The following BCAS1 variants were observed in gnomAD, a reference collection of about 807,000 sequenced individuals.
The protein encoded by BCAS1 is brain enriched myelin associated protein 1.
A neutral mutation model predicts 65.4 loss-of-function variants in BCAS1; 46 were observed. The ratio of observed to expected loss-of-function variants is 0.70; its 90% CI spans 0.55 to 0.90. The LOEUF is 0.90. BCAS1 is among the 40% of genes least tolerant of loss of function. BCAS1 has a pLI of 0.00. For missense variants in BCAS1, 793 were observed against 771.2 expected, an observed-to-expected ratio of 1.03 and a Z score of -0.33; for synonymous variants, 298 against 293.5, an observed-to-expected ratio of 1.02 and a Z score of -0.16.
intron 6 of BCAS1, 52 bp downstream of exon 6, chr20:53,994,960 C>T (rs2090866003): frequency 1.3e-6 from 2 of 1,518,746 alleles, no homozygotes; most frequent in Admixed American, 1.7e-5. Context: ...AAATCCAAAT[C>T]CAATTCTATG....
chr20:53,979,587 A>T (rs1434330019), intron 8 of BCAS1, among the ~76,000 whole-genome samples: 1 of 152,138 alleles, frequency 6.6e-6, no homozygotes, highest in African/African-American at 2.4e-5. Flanking sequence ...AGCAGTGATG[A>T]GTGGGATAAA....
chr20:53,960,619 C>T (rs2089850150), intron 10 of BCAS1, among the ~76,000 whole-genome samples: 1 of 151,852 alleles, frequency 6.6e-6, no homozygotes, highest in African/African-American at 2.4e-5. Flanking sequence ...TTATTAAATC[C>T]ATCTGAAGTC....
At chr20:54,064,721 C>T (rs1208814427) in intron 1 of BCAS1, among the ~76,000 whole-genome samples, 1 of 152,230 alleles carries the variant, frequency 6.6e-6, no homozygotes, top group Non-Finnish European at 1.5e-5. Flanking sequence ...ATCCCACGAT[C>T]GTGAGGCTTT....
intron 12 of BCAS1, among the ~76,000 whole-genome samples, chr20:53,952,053 C>T (rs1376102524): frequency 2.0e-5 from 3 of 152,066 alleles, no homozygotes; most frequent in Admixed American, 1.3e-4. Flanking sequence ...TAGTGGATAC[C>T]CACTTTCAGT....
At position 53,946,604 on chromosome 20, in the gene BCAS1, TA is replaced by T. The variant is rs1379842777; in HGVS notation, c.1816-1609del. On this transcript the variant is annotated intron_variant, in intron 12 of 12. Transcript: ENST00000688948. ...TATATATAGATAGTATAGTGTAGTA[TA>T]AGGTAATATAGGATAGTATAATATA... is the stretch of plus-strand genomic sequence containing the variant. Among the ~76,000 whole-genome samples the T allele has an allele frequency of 2.7e-5, 4 of 150,918 alleles. No homozygotes were observed. In the East Asian group the frequency reaches 7.8e-4, roughly 29 times the overall value.
rs536431391 is a variant in BCAS1 at position 54,031,860 on chromosome 20, T to C, written c.143-2888A>G. 2.5e-4 allele frequency among the ~76,000 whole-genome samples: 38 copies of C among 151,266 alleles called. 1 individual carries two copies. Among genetic ancestry groups the C allele is most frequent in the Non-Finnish European group, 3.7e-4 (25 of 67,536 alleles). On this transcript the variant is annotated intron_variant, in intron 3 of 12. Coordinates refer to ENST00000688948, the MANE Select transcript of BCAS1 (RefSeq NM_001366298.2). ...TCAAGCCTACCAAATCTATGATTGATTGGGGTGTCTGAAAGAGATGGAGGG... is the reference window on the plus strand; with the variant it reads ...TCAAGCCTACCAAATCTATGATTGACTGGGGTGTCTGAAAGAGATGGAGGG...
At chr20:54,015,340 T>C (rs1468489005) in intron 4 of BCAS1, among the ~76,000 whole-genome samples, 3 of 152,154 alleles carry the variant, frequency 2.0e-5, no homozygotes, top group Non-Finnish European at 4.4e-5. Flanking sequence ...ACTCTTTTTT[T>C]TTTTAAGTTT....
At chr20:54,049,600 G>T (rs2146270016) in intron 3 of BCAS1, among the ~76,000 whole-genome samples, 1 of 151,526 alleles carries the variant, frequency 6.6e-6, no homozygotes, top group African/African-American at 2.4e-5. Flanking sequence ...TAGAGATGGG[G>T]TCTCTATGTT....
Position 53,966,963 on chromosome 20 carries a change from T to C in BCAS1, c.1428A>G (p.Lys476=). The change falls in exon 10 of 13, where the codon AAA becomes AAG. Residue 476 remains lysine (K), a synonymous_variant. Coordinates refer to ENST00000688948, the MANE Select transcript of BCAS1 (RefSeq NM_001366298.2). Reference sequence around the variant, plus strand: ...TTGGTTTGCTTTCTTCTCTTTTGAGTTTCGCTTCTGTGGGTTCAGGTGCAG... The same window carrying C: ...TTGGTTTGCTTTCTTCTCTTTTGAGCTTCGCTTCTGTGGGTTCAGGTGCAG... ...GDAAPEPTEA[K]LKREESKPRT... is the part of the protein sequence containing the mutation. The C allele has an allele frequency of 1.2e-6, 2 of 1,613,230 alleles. No homozygotes were observed. The highest frequency in any genetic ancestry group is 1.7e-6 in the Non-Finnish European group (2 of 1,179,656).
intron 3 of BCAS1, among the ~76,000 whole-genome samples, chr20:54,036,944 T>C (rs1600951477): frequency 6.6e-6 from 1 of 151,280 alleles, no homozygotes; most frequent in Non-Finnish European, 1.5e-5. Flanking sequence ...GTACCAAATA[T>C]TCTCGTCAAA....
intron 1 of BCAS1, among the ~76,000 whole-genome samples, chr20:54,062,917 A>G (rs2092393127): frequency 6.6e-6 from 1 of 152,266 alleles, no homozygotes; most frequent in Non-Finnish European, 1.5e-5. Context: ...TGGGTGGGAC[A>G]AAAGCAAAAG....
At chr20:54,056,686 C>T (rs758920583) in intron 3 of BCAS1, among the ~76,000 whole-genome samples, 14 of 152,004 alleles carry the variant, frequency 9.2e-5, no homozygotes, top group East Asian at 1.9e-4. Context: ...ATAGCAGCTA[C>T]GGGATGAGAC....
intron 9 of BCAS1, among the ~76,000 whole-genome samples, chr20:53,974,229 C>T (rs554355553): frequency 2.0e-5 from 3 of 152,314 alleles, no homozygotes; most frequent in South Asian, 4.1e-4. Flanking sequence ...CAGCCACAAC[C>T]CGCTTGGGTC....
chr20:54,044,704 G>C (rs1342791240), intron 3 of BCAS1, among the ~76,000 whole-genome samples: 2 of 151,850 alleles, frequency 1.3e-5, no homozygotes, highest in Non-Finnish European at 1.5e-5. Flanking sequence ...CAGATGCGGT[G>C]GCACGCGCCT....
chr20:54,058,958 G>T (rs541782131), intron 1 of BCAS1, among the ~76,000 whole-genome samples: 1 of 152,244 alleles, frequency 6.6e-6, no homozygotes, highest in African/African-American at 2.4e-5. Flanking sequence ...TGGCTGGGGA[G>T]ACCGCAGGAA....
At chr20:54,050,219 C>G (rs1479507854) in intron 3 of BCAS1, among the ~76,000 whole-genome samples, 1 of 152,142 alleles carries the variant, frequency 6.6e-6, no homozygotes, top group African/African-American at 2.4e-5. Flanking sequence ...TCATGAAGAC[C>G]CTTGTGATCA....
intron 4 of BCAS1, among the ~76,000 whole-genome samples, chr20:53,999,564 T>A (rs750959435): frequency 1.3e-5 from 2 of 152,072 alleles, no homozygotes; most frequent in Non-Finnish European, 2.9e-5. Context: ...GCCCGTTTTT[T>A]TTTGTTTTAT....
intron 8 of BCAS1, among the ~76,000 whole-genome samples, chr20:53,978,118 C>T (rs2145721733): frequency 6.8e-6 from 1 of 147,696 alleles, no homozygotes; most frequent in African/African-American, 2.5e-5. Context: ...CAATTCCCAC[C>T]TATGAGTGAG....
At chr20:54,023,381 C>G (rs2091603029) in intron 4 of BCAS1, among the ~76,000 whole-genome samples, 1 of 152,188 alleles carries the variant, frequency 6.6e-6, no homozygotes, top group African/African-American at 2.4e-5. Flanking sequence ...ACTTCTTCAT[C>G]TGTAAAATGG....
Sources: gnomAD v4.1 joint callset for allele counts (sites outside exome capture counted in the v4.1 genomes callset) on GRCh38, gnomAD v4.1.1 for gene constraint, MANE v1.5 for transcripts, NCBI Gene and HGNC (gene_info 2026-07-23, HGNC 2026-07-21) for gene names.